The following SRL variants were observed in gnomAD, a reference collection of about 807,000 sequenced individuals.
The protein encoded by SRL is sarcalumenin.
In SRL, 23 loss-of-function variants were observed where a neutral mutation model predicts 39.5. The observed-to-expected ratio is 0.58, with a 90% CI of 0.42 to 0.82. SRL has a LOEUF of 0.82. SRL is among the 40% of genes least tolerant of loss of function. The pLI is 0.00. For synonymous variants in SRL, 272 were observed against 237.4 expected (o/e 1.15, Z -1.34); for missense variants, 592 against 607.8 (o/e 0.97, Z 0.27).
rs1405566798 is a variant in SRL, at chr16:4,219,972, G to C, written c.62-15338C>G. Among the ~76,000 whole-genome samples the C allele has an allele frequency of 5.3e-5, 8 of 152,054 alleles. No individual in the cohort carries two copies. The East Asian group carries it at 1.5e-3, about 29-fold the overall frequency. On this transcript the variant is annotated intron_variant, in intron 1 of 5. Transcript: ENST00000399609. ...CAGAGGCCAAAAGAAGATGGGACCA[G>C]AAGAGCATTCCAGCGTCTGGGTCAT...
Position 4,190,236 on chromosome 16 carries a change from C to A in SRL, c.*1917G>T. 2.5e-6 allele frequency: 1 copy of A among 398,816 alleles called. No individual in the cohort carries two copies. The highest frequency in any genetic ancestry group is 1.3e-4 in the South Asian group (1 of 7,822). The allele number at this position is 398,816 out of a possible 1,614,324, so 24.7% of individuals were successfully genotyped here. ...AACCGGGAATTCCTAACTCGAGGTT[C>A]TCCTCATAGACCTAACCTGACTGCC... On this transcript the variant is annotated 3_prime_UTR_variant, in exon 6 of 6. Coordinates refer to ENST00000399609, the MANE Select transcript of SRL (RefSeq NM_001098814.2).
intron 2 of SRL, among the ~76,000 whole-genome samples, chr16:4,203,927 C>G (rs552108952): frequency 9.2e-5 from 14 of 152,340 alleles, no homozygotes; most frequent in Non-Finnish European, 1.6e-4. Flanking sequence ...CCCAGACACT[C>G]CCCGGAGGGG....
At chr16:4,198,026 CTCCATGAATCAGACGTGTGTAGCCCCCAG>C (rs2052172560) in intron 3 of SRL, 111 bp from the exon 4 acceptor site, 3 of 761,294 alleles carry the variant, frequency 3.9e-6, no homozygotes, top group Non-Finnish European at 4.7e-6. Context: ...TTGTGGAATT[CTCCATGAATCAGACGTGTGTAGCCCCCAG>C]TGGCGCTTCT....
At chr16:4,231,468 C>G (rs1259940684) in intron 1 of SRL, among the ~76,000 whole-genome samples, 2 of 152,200 alleles carry the variant, frequency 1.3e-5, no homozygotes, top group Non-Finnish European at 2.9e-5. Flanking sequence ...TTCACCATCC[C>G]CATGGCCGCA....
In SRL at chr16:4,190,421, C is replaced by T; in HGVS notation, c.*1732G>A. 1 of 398,838 alleles carries T rather than the reference C, an allele frequency of 2.5e-6. No individual in the cohort carries two copies. Among genetic ancestry groups the T allele is most frequent in the Non-Finnish European group, 4.4e-6 (1 of 226,250 alleles). The allele number at this position is 398,838 out of a possible 1,614,324, so 24.7% of individuals were successfully genotyped here. ...GCTTGTTCCCAAGAGAAGCGGCTGG[C>T]TGTGTACAAAGGAGCCCCTCGAGGC... On this transcript the variant is annotated 3_prime_UTR_variant, in exon 6 of 6. Coordinates refer to ENST00000399609, the MANE Select transcript of SRL (RefSeq NM_001098814.2).
chr16:4,197,949 C>T (rs1384586816), intron 3 of SRL, 34 bp from the exon 4 acceptor site: 1 of 1,456,010 alleles, frequency 6.9e-7, no homozygotes, highest in South Asian at 1.1e-5. Context: ...TGGAATAAAA[C>T]TAACAAAAGT....
rs1023040459 is a variant in SRL at position 4,203,080 on chromosome 16, G to T, written c.259+86C>A. 18 of 1,187,364 alleles carry T rather than the reference G, an allele frequency of 1.5e-5. No homozygotes were observed. In the African/African-American group the frequency reaches 2.6e-4, roughly 17 times the overall value. 73.6% of individuals were successfully genotyped at this position (1,187,364 alleles called of 1,614,324 possible). A position where few individuals can be genotyped will look rare whatever the true frequency, so the allele number is the denominator to read the frequency against. ...CTGAACCTGTGTGGGTACCGGGAGA[G>T]TCCAGGCCGGTCAGCAGTGTGGCCC... On this transcript the variant is annotated intron_variant, in intron 3 of 5. Coordinates refer to ENST00000399609, the MANE Select transcript of SRL (RefSeq NM_001098814.2).
Position 4,207,821 on chromosome 16 carries a change from G to A in SRL, c.62-3187C>T, listed in dbSNP as rs745609727. The A allele has an allele frequency of 2.6e-5, 12 of 456,270 alleles. No individual in the cohort carries two copies. In the Middle Eastern group the frequency reaches 9.7e-4, roughly 37 times the overall value. 28.3% of individuals were successfully genotyped at this position (456,270 alleles called of 1,614,324 possible). A position where few individuals can be genotyped will look rare whatever the true frequency, so the allele number is the denominator to read the frequency against. ...TCTTTTCCTCCCCAGGCCCCGCAGC[G>A]TCCCTGTCGTCCCTTTCCCCAGGTG... On this transcript the variant is annotated intron_variant, in intron 1 of 5. Coordinates refer to ENST00000399609, the MANE Select transcript of SRL (RefSeq NM_001098814.2).
intron 1 of SRL, among the ~76,000 whole-genome samples, chr16:4,228,969 A>G (rs987497799): frequency 6.6e-6 from 1 of 152,088 alleles, no homozygotes; most frequent in African/African-American, 2.4e-5. Flanking sequence ...CTAGAGAGGG[A>G]GAGGTCATGA....
Position 4,197,795 on chromosome 16 carries a change from T to G in SRL, c.376+4A>C. On this transcript the variant is annotated splice_donor_region_variant and intron_variant, in intron 4 of 5. Transcript: ENST00000399609. ...CCCAACAATCACACAAGAATATTGATTACCTGTATAGAGCTGATAGCGAGT... is the reference window on the plus strand; with the variant it reads ...CCCAACAATCACACAAGAATATTGAGTACCTGTATAGAGCTGATAGCGAGT... The G allele has an allele frequency of 6.4e-7, 1 of 1,559,084 alleles. No homozygotes were observed. The highest frequency in any genetic ancestry group is 8.8e-7 in the Non-Finnish European group (1 of 1,130,062).
intron 3 of SRL, among the ~76,000 whole-genome samples, chr16:4,202,155 G>T (rs942758041): frequency 1.3e-5 from 2 of 152,212 alleles, no homozygotes; most frequent in Non-Finnish European, 2.9e-5. Context: ...GGGAAGGAGG[G>T]AGGTTTCCAC....
chr16:4,210,017 T>A (rs1416651660), intron 1 of SRL, among the ~76,000 whole-genome samples: 1 of 152,180 alleles, frequency 6.6e-6, no homozygotes, highest in Non-Finnish European at 1.5e-5. Context: ...TCCGTACTGG[T>A]CCTGGCTCCT....
intron 4 of SRL, among the ~76,000 whole-genome samples, chr16:4,197,563 A>G (rs2052166412): frequency 6.6e-6 from 1 of 151,586 alleles, no homozygotes; most frequent in Non-Finnish European, 1.5e-5. Flanking sequence ...CTGGGATTAC[A>G]GGAACGTGTC....
rs1222237998 is a variant in SRL, at chr16:4,190,096, A to G, written c.*2057T>C. ...CCTGGTCGACTCGTTCCTTGGAAAC[A>G]TTGTCCTGAGTGCCCTGGAACCTCG... On this transcript the variant is annotated 3_prime_UTR_variant, in exon 6 of 6. Coordinates refer to ENST00000399609, the MANE Select transcript of SRL (RefSeq NM_001098814.2). 7.6e-6 allele frequency: 3 copies of G among 396,764 alleles called. No individual in the cohort carries two copies. The highest frequency in any genetic ancestry group is 1.3e-5 in the Non-Finnish European group (3 of 225,608). The allele number at this position is 396,764 out of a possible 1,614,324, so 24.6% of individuals were successfully genotyped here.
At chr16:4,224,728 A>G (rs369134294) in intron 1 of SRL, among the ~76,000 whole-genome samples, 4 of 152,240 alleles carry the variant, frequency 2.6e-5, no homozygotes, top group Admixed American at 6.5e-5. Flanking sequence ...TCGAGAAAAA[A>G]AAAAAGAAAA....
At chr16:4,227,410 T>C (rs1416705836) in intron 1 of SRL, among the ~76,000 whole-genome samples, 1 of 150,336 alleles carries the variant, frequency 6.7e-6, no homozygotes, top group Non-Finnish European at 1.5e-5. Flanking sequence ...GATTGATGGA[T>C]GGGTAGACTG....
At chr16:4,219,636 T>G (rs1230394629) in intron 1 of SRL, among the ~76,000 whole-genome samples, 1 of 152,040 alleles carries the variant, frequency 6.6e-6, no homozygotes, top group Non-Finnish European at 1.5e-5. Context: ...ATTTTTTATA[T>G]TTTTAGTAGA....
chr16:4,209,797 G>A (rs929269807), intron 1 of SRL, among the ~76,000 whole-genome samples: 2 of 152,152 alleles, frequency 1.3e-5, no homozygotes, highest in Non-Finnish European at 2.9e-5. Context: ...GACTGTCAGA[G>A]AGATTTCAGA....
Position 4,192,846 on chromosome 16 carries a change from C to CA in SRL, c.728dup (p.Leu243PhefsTer5), listed in dbSNP as rs1567172623. ...TCCTTATCTGGGATTCACGCCCCTT[C>CA]AACTGGCGGAAGAGCATCTCCAGCT... is the stretch of plus-strand genomic sequence containing the variant. On this transcript the variant is annotated frameshift_variant, in exon 6 of 6. Transcript: ENST00000399609. LOFTEE classifies it high-confidence loss of function. The surrounding 1 kb of genome is among the most constrained non-coding windows in gnomAD (Gnocchi z 4.0). 2 of 1,614,076 alleles carry CA rather than the reference C, an allele frequency of 1.2e-6. No homozygotes were observed. Among genetic ancestry groups the CA allele is most frequent in the Non-Finnish European group, 1.7e-6 (2 of 1,180,042 alleles).
Sources: gnomAD v4.1 joint callset for allele counts (sites outside exome capture counted in the v4.1 genomes callset) on GRCh38, gnomAD v4.1.1 for gene constraint, Gnocchi (gnomAD v3.1) non-coding constraint, MANE v1.5 for transcripts, NCBI Gene and HGNC (gene_info 2026-07-23, HGNC 2026-07-21) for gene names.